IRX2: variants seen among roughly 807,000 people sequenced by gnomAD.
IRX2 encodes iroquois-class homeodomain protein IRX-2.
IRX2 carries 26 observed loss-of-function variants against 42.9 expected under a neutral mutation model. The ratio of observed to expected loss-of-function variants is 0.61; its 90% CI spans 0.44 to 0.84. The LOEUF (loss-of-function observed/expected upper bound fraction) is 0.84. Among genes scored for constraint, IRX2 ranks in the 40% least tolerant of loss-of-function variants. The probability of loss-of-function intolerance (pLI) is 0.00; values close to 1 mark genes in which losing one functional copy is unlikely to be tolerated. For synonymous variants in IRX2, 424 were observed against 353.9 expected, an observed-to-expected ratio of 1.20 and a Z score of -2.22; for missense variants, 782 against 713.9, an observed-to-expected ratio of 1.10 and a Z score of -1.09.
the IRX2 span, among the ~76,000 whole-genome samples, chr5:2,736,495 A>AT: frequency 1.3e-5 from 2 of 152,200 alleles, no homozygotes; most frequent in African/African-American, 4.8e-5. Flanking sequence ...CTAGAAGAAA[A>AT]ATTTTTTTGG....
intron 1 of IRX2, among the ~76,000 whole-genome samples, chr5:2,750,715 G>A (rs1019832288): frequency 6.6e-6 from 1 of 152,226 alleles, no homozygotes; most frequent in Non-Finnish European, 1.5e-5. Flanking sequence ...CCTGAGCCCC[G>A]CGAGTGAATG....
chr5:2,741,938 C>T (rs78356411), downstream of IRX2, among the ~76,000 whole-genome samples: 1,423 of 152,304 alleles, frequency 9.3e-3, 53 homozygotes, highest in Admixed American at 0.056. Flanking sequence ...TCTGGGATTG[C>T]GCAAATACGG....
chr5:2,748,346 T>G lies in IRX2; in HGVS notation c.1362A>C (p.Lys454Asn), dbSNP rs1198562240. ...RSPGGGYEPK[K>N]DASEGCTVVG... ...CGCCGCCGGCCGCGGGCCGCCTACCTTTCTTGGGCTCGTAGCCGCCGCCCG... is the reference window on the plus strand; with the variant it reads ...CGCCGCCGGCCGCGGGCCGCCTACCGTTCTTGGGCTCGTAGCCGCCGCCCG... The change falls in exon 3 of 4, where the codon AAA (lysine) becomes AAC (asparagine). Residue 454 changes from lysine to asparagine, a missense_variant and splice_region_variant. Lys to Asn is a moderately conservative substitution (Grantham distance 94). Around this residue, in one of 3 missense-constraint regions of IRX2, gnomAD observed 520 missense variants for 437.8 expected, o/e 1.19. Transcript: ENST00000302057. 1 of 1,430,524 alleles carries G rather than the reference T, an allele frequency of 7.0e-7. No homozygotes were observed. Among genetic ancestry groups the G allele is most frequent in the Admixed American group, 3.1e-5 (1 of 32,370 alleles). 88.6% of individuals were successfully genotyped at this position (1,430,524 alleles called of 1,614,324 possible). A position where few individuals can be genotyped will look rare whatever the true frequency, so the allele number is the denominator to read the frequency against.
chr5:2,741,138 T>C (rs983813989), downstream of IRX2, among the ~76,000 whole-genome samples: 2 of 152,240 alleles, frequency 1.3e-5, no homozygotes, highest in East Asian at 3.9e-4. Flanking sequence ...TAGTAAGGAC[T>C]AAAAACAAAA....
Position 2,748,269 on chromosome 5 carries a change from G to C in IRX2, c.1363+76C>G, listed in dbSNP as rs565920856. Reference sequence around the variant, plus strand: ...GATCTTCTTCCCGGACCCTCCCTCGGGTCTCCCGGGCGCTCCGCCTCCCCG... The same window carrying C: ...GATCTTCTTCCCGGACCCTCCCTCGCGTCTCCCGGGCGCTCCGCCTCCCCG... On this transcript the variant is annotated intron_variant, in intron 3 of 3. Coordinates refer to ENST00000302057, the MANE Select transcript of IRX2 (RefSeq NM_033267.5). 4.6e-6 allele frequency: 6 copies of C among 1,292,004 alleles called. No homozygotes were observed. In the East Asian group the frequency reaches 1.6e-4, roughly 34 times the overall value. 80.0% of individuals were successfully genotyped at this position (1,292,004 alleles called of 1,614,324 possible).
At chr5:2,742,556 A>C (rs1472991543), downstream of IRX2, among the ~76,000 whole-genome samples, 1 of 152,242 alleles carries the variant, frequency 6.6e-6, no homozygotes, top group East Asian at 1.9e-4. Flanking sequence ...ACGCTTTCAA[A>C]AAAATAGTTA....
In IRX2 at chr5:2,748,708, C is replaced by G; in HGVS notation, c.1000G>C (p.Glu334Gln). The change falls in exon 3 of 4, where the codon GAG becomes CAG. Residue 334 changes from glutamate to glutamine, a missense_variant. Glu to Gln is a conservative substitution (Grantham distance 29). Transcript: ENST00000302057. ...ASKPKLWSLA[E>Q]IATSDLKQPS... The stretch of plus-strand genomic sequence containing the variant: ...TGCTTGAGGTCCGACGTGGCGATCT[C>G]GGCCAGCGACCACAGCTTGGGCTTG... The G allele has an allele frequency of 2.1e-6, 3 of 1,400,108 alleles. No homozygotes were observed. Among genetic ancestry groups the G allele is most frequent in the Non-Finnish European group, 2.8e-6 (3 of 1,078,226 alleles). 86.7% of individuals were successfully genotyped at this position (1,400,108 alleles called of 1,614,324 possible). A position where few individuals can be genotyped will look rare whatever the true frequency, so the allele number is the denominator to read the frequency against.
At chr5:2,739,364 C>T in the IRX2 span, among the ~76,000 whole-genome samples, 1 of 152,216 alleles carries the variant, frequency 6.6e-6, no homozygotes, top group Admixed American at 6.5e-5. Context: ...CCGTCGGTGT[C>T]CACTGCCCGC....
chr5:2,747,625 G>C lies in IRX2; in HGVS notation c.1364-9C>G. ...GCAGCCCTCGCTGGCATCTGTCAGG[G>C]GAGTGGGCAGTTAGTCAGAACCGAC... On this transcript the variant is annotated splice_polypyrimidine_tract_variant and intron_variant, in intron 3 of 3. Coordinates refer to ENST00000302057, the MANE Select transcript of IRX2 (RefSeq NM_033267.5). 6.2e-7 allele frequency: 1 copy of C among 1,613,764 alleles called. No homozygotes were observed.
chr5:2,736,910 G>C, the IRX2 span: 1 of 152,328 alleles, frequency 6.6e-6, no homozygotes, highest in South Asian at 2.1e-4. Flanking sequence ...TTCCAAGGCA[G>C]GAGGATAAGC....
rs767559062 is a variant in IRX2 at position 2,748,962 on chromosome 5, A to C, written c.746T>G (p.Leu249Arg). 2 of 1,596,960 alleles carry C rather than the reference A, an allele frequency of 1.3e-6. No individual in the cohort carries two copies. Among genetic ancestry groups the C allele is most frequent in the Admixed American group, 3.3e-5 (2 of 59,928 alleles). The change falls in exon 3 of 4, where the codon CTG becomes CGG. Residue 249 changes from leucine (L) to arginine (R), a missense_variant. By Grantham distance (102) the Leu-to-Arg change is moderately radical. Around this residue, in one of 3 missense-constraint regions of IRX2, gnomAD observed 520 missense variants for 437.8 expected, o/e 1.19. Coordinates refer to ENST00000302057, the MANE Select transcript of IRX2 (RefSeq NM_033267.5). ...EKLPCRAGDP[L>R]CESGSECKDK... ...CTTGCACTCCGAGCCCGATTCGCAC[A>C]GGGGGTCCCCGGCGCGGCACGGAAG... is the stretch of plus-strand genomic sequence containing the variant.
the IRX2 span, among the ~76,000 whole-genome samples, chr5:2,739,634 C>T: frequency 1.9e-4 from 29 of 152,230 alleles, no homozygotes; most frequent in African/African-American, 7.0e-4. Flanking sequence ...CCGCCGCCGT[C>T]GCCGCCGGAC....
rs201989826 is a variant in IRX2 at position 2,747,587 on chromosome 5, C to T, written c.1393G>A (p.Gly465Arg). The T allele has an allele frequency of 1.1e-5, 17 of 1,613,928 alleles. No homozygotes were observed. Among genetic ancestry groups the T allele is most frequent in the Non-Finnish European group, 1.4e-5 (16 of 1,179,996 alleles). Residue 465 changes from glycine (G) to arginine (R), a missense_variant, in exon 4 of 4, where the codon GGG becomes AGG. Coordinates refer to ENST00000302057, the MANE Select transcript of IRX2 (RefSeq NM_033267.5). Reference protein sequence around the residue: ...DASEGCTVVGGGVQPYL With the variant: ...DASEGCTVVGRGVQPYL ...TTCTATAGGTAGGGCTGGACGCCCC[C>T]GCCAACCACGGTGCAGCCCTCGCTG... is the stretch of plus-strand genomic sequence containing the variant.
At chr5:2,745,909 C>T (rs1027105160), downstream of IRX2, 1 of 152,014 alleles carries the variant, frequency 6.6e-6, no homozygotes, top group Admixed American at 6.5e-5. Context: ...AATTAGCACA[C>T]TCAGGGCACA....
chr5:2,743,999 AGCCTTGGC>A (rs1304211745), downstream of IRX2, among the ~76,000 whole-genome samples: 1 of 152,090 alleles, frequency 6.6e-6, no homozygotes, highest in African/African-American at 2.4e-5. Context: ...AAGCTTCCTT[AGCCTTGGC>A]TAATCTCCTG....
chr5:2,738,867 A>G, the IRX2 span, among the ~76,000 whole-genome samples: 1 of 152,178 alleles, frequency 6.6e-6, no homozygotes, highest in African/African-American at 2.4e-5. Flanking sequence ...GGTGAAGCCA[A>G]TGGGCCTGGA....
intron 1 of IRX2, among the ~76,000 whole-genome samples, chr5:2,750,457 G>T (rs1008623237): frequency 6.6e-6 from 1 of 152,178 alleles, no homozygotes; most frequent in African/African-American, 2.4e-5. Flanking sequence ...GTGCTTCGCC[G>T]CGGCCCGGGC....
downstream of IRX2, among the ~76,000 whole-genome samples, chr5:2,741,426 A>AG (rs895408842): frequency 2.0e-5 from 3 of 151,696 alleles, no homozygotes; most frequent in Admixed American, 1.3e-4. Context: ...GGAGGCAAGG[A>AG]GGGAATTTCT....
intron 2 of IRX2, 107 bp downstream of exon 2, chr5:2,749,275 G>C (rs1471244850): frequency 1.2e-5 from 17 of 1,469,720 alleles, no homozygotes; most frequent in Non-Finnish European, 1.5e-5. Context: ...CTGGGGCTCC[G>C]GCCCGGACCT....
Sources: gnomAD v4.1 joint callset for allele counts (sites outside exome capture counted in the v4.1 genomes callset) on GRCh38, gnomAD v4.1.1 for gene constraint, gnomAD v4.1.1 regional missense constraint, MANE v1.5 for transcripts, NCBI Gene and HGNC (gene_info 2026-07-23, HGNC 2026-07-21) for gene names.